Variants in ZNF10 observed in about 807,000 individuals in gnomAD.
ZNF10 encodes the protein zinc finger protein 10, also known as zinc finger protein 10 (KOX 1).
In ZNF10, 8 loss-of-function variants were observed where a neutral mutation model predicts 12.2. The ratio of observed to expected loss-of-function variants is 0.66; its 90% CI spans 0.39 to 1.18. ZNF10 has a LOEUF of 1.18. Among genes scored for constraint, ZNF10 ranks in the 50% most tolerant of loss-of-function variants. The pLI is 0.01. For missense variants in ZNF10, 603 were observed against 678.9 expected (o/e 0.89, Z 1.24); for synonymous variants, 229 against 228.2 (o/e 1.00, Z -0.03).
chr12:133,133,245 C>A (rs1186277809), intron 1 of ZNF10, among the ~76,000 whole-genome samples: 1 of 152,176 alleles, frequency 6.6e-6, no homozygotes, highest in Non-Finnish European at 1.5e-5. Context: ...TCATACCTTG[C>A]CCTTTGCTGA....
At chr12:133,151,249 C>T (rs1956005624) in intron 3 of ZNF10, 95 bp downstream of exon 3, 2 of 1,228,742 alleles carry the variant, frequency 1.6e-6, no homozygotes, top group South Asian at 4.5e-5. Context: ...ATAGGCTTGG[C>T]GTTCAGAGAC....
In ZNF10 at chr12:133,156,101, TATTC is replaced by T; in HGVS notation, c.858_861del (p.His287LeufsTer113). On this transcript the variant is annotated frameshift_variant, in exon 5 of 5. Transcript: ENST00000248211. LOFTEE classifies it low-confidence loss of function (END_TRUNC). ...GCTCTAATCTTACTAGGCATCAGCTTATTCATACTGGAGAAAAACCCTATGAGTG... is the reference window on the plus strand; with the variant it reads ...GCTCTAATCTTACTAGGCATCAGCTTATACTGGAGAAAAACCCTATGAGTG... The T allele has an allele frequency of 1.9e-6, 3 of 1,613,494 alleles. No individual in the cohort carries two copies. Among genetic ancestry groups the T allele is most frequent in the Non-Finnish European group, 2.5e-6 (3 of 1,180,004 alleles).
chr12:133,140,719 T>C (rs1369163408), intron 1 of ZNF10, among the ~76,000 whole-genome samples: 1 of 152,236 alleles, frequency 6.6e-6, no homozygotes, highest in Non-Finnish European at 1.5e-5. Context: ...TTTTGAATAC[T>C]AAATTTGACT....
chr12:133,141,508 TA>T (rs1955944136), intron 1 of ZNF10, among the ~76,000 whole-genome samples: 1 of 152,100 alleles, frequency 6.6e-6, no homozygotes, highest in East Asian at 1.9e-4. Flanking sequence ...TAGAAAGTAT[TA>T]AAAAAAATTG....
At chr12:133,150,932 G>A in intron 2 of ZNF10, 96 bp from the exon 3 acceptor site, 1 of 1,476,970 alleles carries the variant, frequency 6.8e-7, no homozygotes, top group Non-Finnish European at 9.2e-7. Flanking sequence ...ACCTGCCCCA[G>A]TGCTGTCAGC....
At chr12:133,144,901 T>C (rs1235967724) in intron 2 of ZNF10, 1 of 452,854 alleles carries the variant, frequency 2.2e-6, no homozygotes, top group East Asian at 7.0e-5. Flanking sequence ...TGTTGTTGTT[T>C]AGACGGAGTC....
intron 1 of ZNF10, among the ~76,000 whole-genome samples, chr12:133,142,286 A>C (rs1290977031): frequency 6.6e-6 from 1 of 151,862 alleles, no homozygotes; most frequent in Non-Finnish European, 1.5e-5. Flanking sequence ...TTAGCTTTGC[A>C]TGCCTGTAGT....
chr12:133,139,502 G>A (rs144520370), intron 1 of ZNF10, among the ~76,000 whole-genome samples: 82 of 152,288 alleles, frequency 5.4e-4, no homozygotes, highest in African/African-American at 1.9e-3. Flanking sequence ...TTTTCTATAC[G>A]TACTGGGAGA....
intron 1 of ZNF10, among the ~76,000 whole-genome samples, chr12:133,133,159 T>C (rs1955890393): frequency 6.6e-6 from 1 of 152,248 alleles, no homozygotes; most frequent in Admixed American, 6.5e-5. Context: ...TTGCCTTTTG[T>C]ATCTTTAAGT....
chr12:133,135,597 C>T (rs1363500196), intron 1 of ZNF10, among the ~76,000 whole-genome samples: 2 of 152,194 alleles, frequency 1.3e-5, no homozygotes, highest in East Asian at 3.8e-4. Flanking sequence ...CCTCTGCAAA[C>T]TTCGGTATCC....
At chr12:133,144,354 G>A in intron 1 of ZNF10, 80 bp from the exon 2 acceptor site, 1 of 728,736 alleles carries the variant, frequency 1.4e-6, no homozygotes, top group Non-Finnish European at 2.3e-6. Context: ...TACCCAGCTG[G>A]TATGAAGAAG....
Position 133,158,428 on chromosome 12 carries a change from A to G in ZNF10, c.*1460A>G, listed in dbSNP as rs898958056. On this transcript the variant is annotated 3_prime_UTR_variant, in exon 5 of 5. Transcript: ENST00000248211. ...AACAGCCTGGGAAAATCACTGACAA[A>G]TAGTGGATATAGGTTTCATTTCTGA... 1 of 152,186 alleles carries G rather than the reference A, an allele frequency of 6.6e-6. No homozygotes were observed. The highest frequency in any genetic ancestry group is 2.4e-5 in the African/African-American group (1 of 41,448). The allele number at this position is 152,186 out of a possible 1,614,324, so 9.4% of individuals were successfully genotyped here. A position where few individuals can be genotyped will look rare whatever the true frequency, so the allele number is the denominator to read the frequency against.
intron 1 of ZNF10, among the ~76,000 whole-genome samples, chr12:133,137,386 G>A (rs765660848): frequency 1.3e-5 from 2 of 152,148 alleles, no homozygotes; most frequent in Non-Finnish European, 2.9e-5. Flanking sequence ...ATCTGGCTTT[G>A]CACACCTCTG....
chr12:133,144,889 TTTG>T (rs1955966682), intron 2 of ZNF10: 3 of 455,226 alleles, frequency 6.6e-6, no homozygotes, highest in South Asian at 3.1e-5. Context: ...TTATTCTTTT[TTTG>T]TTGTTGTTTA....
At chr12:133,138,013 A>C (rs974607584) in intron 1 of ZNF10, among the ~76,000 whole-genome samples, 1 of 150,970 alleles carries the variant, frequency 6.6e-6, no homozygotes, top group African/African-American at 2.5e-5. Context: ...TCTCAACCTT[A>C]GCTATACATT....
chr12:133,137,889 C>A (rs985990041), intron 1 of ZNF10, among the ~76,000 whole-genome samples: 26 of 152,160 alleles, frequency 1.7e-4, no homozygotes, highest in African/African-American at 5.8e-4. Flanking sequence ...ATGACTGATA[C>A]TTTAGAGAAG....
intron 1 of ZNF10, among the ~76,000 whole-genome samples, chr12:133,140,737 A>G (rs1427813285): frequency 6.6e-6 from 1 of 151,806 alleles, no homozygotes; most frequent in African/African-American, 2.4e-5. Context: ...ACTATTTCCT[A>G]TATGTTTACA....
intron 2 of ZNF10, among the ~76,000 whole-genome samples, chr12:133,147,126 G>A (rs1216172795): frequency 1.3e-5 from 2 of 152,208 alleles, no homozygotes; most frequent in East Asian, 1.9e-4. Flanking sequence ...CTGTGTGGCT[G>A]TACCACGTTT....
intron 1 of ZNF10, among the ~76,000 whole-genome samples, chr12:133,137,254 G>T (rs897468887): frequency 6.6e-6 from 1 of 152,026 alleles, no homozygotes; most frequent in African/African-American, 2.4e-5. Context: ...TCTTCCTCTA[G>T]TCCATTACAC....
Sources: allele counts gnomAD v4.1 joint callset (sites outside exome capture counted in the v4.1 genomes callset), GRCh38; gene constraint gnomAD v4.1.1; transcripts MANE v1.5; gene names NCBI Gene and HGNC (gene_info 2026-07-23, HGNC 2026-07-21).